The following PDPK1 variants were observed in gnomAD, a reference collection of about 807,000 sequenced individuals.
PDPK1 encodes the protein 3-phosphoinositide dependent protein kinase 1.
Under a neutral mutation model 39.8 loss-of-function variants are expected in PDPK1, and 7 were observed. The observed-to-expected ratio is 0.18, with a 90% CI of 0.10 to 0.33. The LOEUF (loss-of-function observed/expected upper bound fraction) is 0.33. Among genes scored for constraint, PDPK1 ranks in the 10% least tolerant of loss-of-function variants. The pLI is 1.00. For missense variants in PDPK1, 182 were observed against 384.7 expected, an observed-to-expected ratio of 0.47 and a Z score of 4.41; for synonymous variants, 118 against 159.1, an observed-to-expected ratio of 0.74 and a Z score of 1.95.
At chr16:2,590,544 T>C (rs1421992589) in intron 11 of PDPK1, among the ~76,000 whole-genome samples, 1 of 152,108 alleles carries the variant, frequency 6.6e-6, no homozygotes, top group Non-Finnish European at 1.5e-5. Flanking sequence ...GGAGACACGC[T>C]TGTGGCTGTT....
At chr16:2,586,427 C>G (rs2066876171) in intron 10 of PDPK1, among the ~76,000 whole-genome samples, 1 of 152,258 alleles carries the variant, frequency 6.6e-6, no homozygotes, top group African/African-American at 2.4e-5. Context: ...GAGAGGAAAT[C>G]TGAGGCTTCG....
intron 1 of PDPK1, among the ~76,000 whole-genome samples, chr16:2,546,372 C>T (rs149392820): frequency 3.3e-5 from 5 of 151,742 alleles, no homozygotes; most frequent in Admixed American, 6.6e-5. Context: ...CTCGCTCTGT[C>T]GCCCAGTCTG....
chr16:2,580,382 T>A (rs1285385200), intron 7 of PDPK1, among the ~76,000 whole-genome samples: 1 of 146,454 alleles, frequency 6.8e-6, no homozygotes, highest in Non-Finnish European at 1.5e-5. Flanking sequence ...CTGTTCTCCC[T>A]CTAGTGGGCG....
chr16:2,588,028 G>A (rs936537011), intron 11 of PDPK1, among the ~76,000 whole-genome samples: 2 of 152,174 alleles, frequency 1.3e-5, no homozygotes, highest in African/African-American at 4.8e-5. Context: ...AGCACAAGAC[G>A]AGGGGGAGTT....
chr16:2,539,092 T>C, intron 1 of PDPK1: 1 of 217,266 alleles, frequency 4.6e-6, no homozygotes. Context: ...TTTTTTTTTT[T>C]TTTTTTGATG....
chr16:2,589,013 G>A (rs1418287616), intron 11 of PDPK1, among the ~76,000 whole-genome samples: 4 of 152,190 alleles, frequency 2.6e-5, no homozygotes, highest in Non-Finnish European at 5.9e-5. Context: ...CTGGAGTGCA[G>A]TGGCGTGATC....
Position 2,593,443 on chromosome 16 carries a change from A to C in PDPK1, c.1344-2350A>C. On this transcript the variant is annotated intron_variant, in intron 11 of 13. Transcript: ENST00000342085. The surrounding 1 kb of genome is among the most constrained non-coding windows in gnomAD (Gnocchi z 4.2). ...CCTCTTTCCGTGGCTCCCACAGCTC[A>C]GTGCTGGGCTGCTGTTCTCGCTCTC... 3.7e-6 allele frequency: 1 copy of C among 269,634 alleles called. No individual in the cohort carries two copies. Among genetic ancestry groups the C allele is most frequent in the Non-Finnish European group, 7.2e-6 (1 of 138,040 alleles). The allele number at this position is 269,634 out of a possible 1,614,324, so 16.7% of individuals were successfully genotyped here. A position where few individuals can be genotyped will look rare whatever the true frequency, so the allele number is the denominator to read the frequency against.
At chr16:2,592,880 G>A (rs912311993) in intron 11 of PDPK1, 21 of 456,518 alleles carry the variant, frequency 4.6e-5, no homozygotes, top group African/African-American at 2.2e-4. Context: ...ATGCTGGCGC[G>A]GGGGTGGGTG....
intron 11 of PDPK1, chr16:2,592,907 C>T (rs1367025924): frequency 2.2e-6 from 1 of 456,620 alleles, no homozygotes; most frequent in South Asian, 1.5e-5. Context: ...GTCCGTGGGG[C>T]CCTTGCCTGC....
intron 11 of PDPK1, chr16:2,594,314 G>C (rs568636367): frequency 5.9e-5 from 9 of 152,384 alleles, no homozygotes; most frequent in Non-Finnish European, 1.2e-4. Flanking sequence ...GGAGGCCTAG[G>C]TGGGTGGATC....
Position 2,599,487 on chromosome 16 carries a change from C to G in PDPK1, c.*1720C>G, listed in dbSNP as rs2067170582. 1 of 233,022 alleles carries G rather than the reference C, an allele frequency of 4.3e-6. No homozygotes were observed. The highest frequency in any genetic ancestry group is 8.5e-6 in the Non-Finnish European group (1 of 117,972). 14.4% of individuals were successfully genotyped at this position (233,022 alleles called of 1,614,324 possible). On this transcript the variant is annotated 3_prime_UTR_variant, in exon 14 of 14. Transcript: ENST00000342085. ...GTGGTTCCTGCCTGGGCCTTGGCTG[C>G]TGCTGTGTGAGAGCTGCATGTGAGC...
chr16:2,576,296 T>G (rs1429118464), intron 6 of PDPK1: 1 of 146,930 alleles, frequency 6.8e-6, no homozygotes, highest in Non-Finnish European at 1.5e-5. Flanking sequence ...TGTTTTAATT[T>G]GCATTTCTTT....
intron 1 of PDPK1, chr16:2,554,009 TA>T (rs1379689634): frequency 7.3e-6 from 1 of 136,934 alleles, no homozygotes; most frequent in African/African-American, 2.9e-5. Context: ...CTCAAAATGC[TA>T]CAAAATCTAC....
chr16:2,598,805 G>A lies in PDPK1; in HGVS notation c.*1038G>A, dbSNP rs547314582. 1 of 233,384 alleles carries A rather than the reference G, an allele frequency of 4.3e-6. No individual in the cohort carries two copies. The highest frequency in any genetic ancestry group is 2.2e-5 in the African/African-American group (1 of 45,474). 14.5% of individuals were successfully genotyped at this position (233,384 alleles called of 1,614,324 possible). ...ACCCAGGGTGCTTCTGTCTCCTGCA[G>A]ACCACGCCAGGGAGTGCAGACACCA... On this transcript the variant is annotated 3_prime_UTR_variant, in exon 14 of 14. Coordinates refer to ENST00000342085, the MANE Select transcript of PDPK1 (RefSeq NM_002613.5).
chr16:2,540,692 G>A (rs1048672267), intron 1 of PDPK1, among the ~76,000 whole-genome samples: 8 of 152,262 alleles, frequency 5.3e-5, no homozygotes, highest in African/African-American at 1.9e-4. Context: ...CTGTGACCCC[G>A]GGGCCTGTTT....
At chr16:2,586,006 C>T (rs370881066) in intron 10 of PDPK1, among the ~76,000 whole-genome samples, 1 of 152,180 alleles carries the variant, frequency 6.6e-6, no homozygotes, top group African/African-American at 2.4e-5. Context: ...GACTCTCTGG[C>T]CTTGGCAGTG....
intron 1 of PDPK1, among the ~76,000 whole-genome samples, chr16:2,540,102 C>G (rs1567141421): frequency 6.6e-6 from 1 of 152,140 alleles, no homozygotes; most frequent in Admixed American, 6.5e-5. Flanking sequence ...TAGAGGCAGC[C>G]CTGATCCTGG....
rs149020698 is a variant in PDPK1, at chr16:2,551,872, G to A, written c.25-5831G>A. Among the ~76,000 whole-genome samples, 115 of 151,420 alleles carry A rather than the reference G, an allele frequency of 7.6e-4. 2 individuals are homozygous for A. The highest frequency in any genetic ancestry group is 1.9e-3 in the South Asian group (9 of 4,784). Reference sequence around the variant, plus strand: ...AGTAGAGACGGGGTTTCAACTATTGGCCAGGCTGGTCTCAAACTCCTGATC... The same window carrying A: ...AGTAGAGACGGGGTTTCAACTATTGACCAGGCTGGTCTCAAACTCCTGATC... On this transcript the variant is annotated intron_variant, in intron 1 of 13. Coordinates refer to ENST00000342085, the MANE Select transcript of PDPK1 (RefSeq NM_002613.5).
At chr16:2,594,667 G>A (rs975068531) in intron 11 of PDPK1, 3 of 151,954 alleles carry the variant, frequency 2.0e-5, no homozygotes, top group African/African-American at 7.3e-5. Flanking sequence ...AACCACATGA[G>A]GTAAACTGCA....
Sources: allele counts gnomAD v4.1 joint callset (sites outside exome capture counted in the v4.1 genomes callset), GRCh38; gene constraint gnomAD v4.1.1; non-coding constraint Gnocchi (gnomAD v3.1); transcripts MANE v1.5; gene names NCBI Gene and HGNC (gene_info 2026-07-23, HGNC 2026-07-21).